The following DTNA variants were observed in gnomAD, a reference collection of about 807,000 sequenced individuals.
DTNA encodes dystrobrevin alpha.
In DTNA, 43 loss-of-function variants were observed where a neutral mutation model predicts 100.7. The ratio of observed to expected loss-of-function variants is 0.43; its 90% confidence interval spans 0.33 to 0.55. DTNA has a LOEUF of 0.55. Among genes scored for constraint, DTNA ranks in the 20% least tolerant of loss-of-function variants. The pLI is 0.04. For synonymous variants in DTNA, 349 were observed against 347.9 expected (o/e 1.00, Z -0.04); for missense variants, 798 against 953.9 (o/e 0.84, Z 2.15).
intron 1 of DTNA, among the ~76,000 whole-genome samples, chr18:34,610,863 T>C (rs12051912): frequency 0.028 from 4,224 of 152,288 alleles, 200 homozygotes; most frequent in African/African-American, 0.096. Context: ...TGTAAAGAAT[T>C]GATGAGCTCA....
intron 1 of DTNA, among the ~76,000 whole-genome samples, chr18:34,656,641 G>A (rs1024869500): frequency 1.8e-4 from 27 of 152,076 alleles, no homozygotes; most frequent in African/African-American, 6.5e-4. Context: ...TTCTTTTGTA[G>A]GTTTCTCCAA....
intron 1 of DTNA, among the ~76,000 whole-genome samples, chr18:34,664,111 A>G (rs1255098922): frequency 6.6e-6 from 1 of 152,176 alleles, no homozygotes; most frequent in Non-Finnish European, 1.5e-5. Context: ...AAGGCTATGA[A>G]AAGACTCTAC....
At chr18:34,855,154 A>T (rs1373268200) in intron 15 of DTNA, among the ~76,000 whole-genome samples, 2 of 152,246 alleles carry the variant, frequency 1.3e-5, no homozygotes, top group African/African-American at 4.8e-5. Flanking sequence ...TGAGAAAAGC[A>T]ACAAGACACT....
In DTNA at chr18:34,879,449, A is replaced by G. The variant is rs948430441; in HGVS notation, c.1994-102A>G. 3.4e-6 allele frequency: 4 copies of G among 1,193,870 alleles called. No individual in the cohort carries two copies. The Admixed American group carries it at 5.8e-5, about 17-fold the overall frequency. 74.0% of individuals were successfully genotyped at this position (1,193,870 alleles called of 1,614,324 possible). A position where few individuals can be genotyped will look rare whatever the true frequency, so the allele number is the denominator to read the frequency against. The stretch of plus-strand genomic sequence containing the variant: ...GATTAAAATATGATAACTGGTTAAC[A>G]TTTTACACAGCACAGGTTGATTTGT... On this transcript the variant is annotated intron_variant, in intron 19 of 22. Transcript: ENST00000444659.
chr18:34,853,084 T>C (rs2096503005), intron 15 of DTNA, among the ~76,000 whole-genome samples: 1 of 152,100 alleles, frequency 6.6e-6, no homozygotes, highest in African/African-American at 2.4e-5. Flanking sequence ...GAGAAAACGA[T>C]GAATAGCTGA....
chr18:34,676,577 G>A (rs150177368), intron 1 of DTNA, among the ~76,000 whole-genome samples: 1 of 152,170 alleles, frequency 6.6e-6, no homozygotes, highest in Non-Finnish European at 1.5e-5. Context: ...TTCAATGCCT[G>A]TAATCCCAGC....
At chr18:34,884,400 G>T (rs528262129) in intron 21 of DTNA, among the ~76,000 whole-genome samples, 1 of 152,186 alleles carries the variant, frequency 6.6e-6, no homozygotes, top group Admixed American at 6.5e-5. Flanking sequence ...TTTTACCATC[G>T]CTGGTAAATC....
intron 1 of DTNA, among the ~76,000 whole-genome samples, chr18:34,722,034 C>A (rs1481507565): frequency 1.3e-5 from 2 of 152,090 alleles, no homozygotes; most frequent in East Asian, 3.9e-4. Context: ...GCTCCCCTTT[C>A]CTTATACTCC....
chr18:34,851,344 C>T (rs958813074), intron 14 of DTNA, among the ~76,000 whole-genome samples: 4 of 152,106 alleles, frequency 2.6e-5, no homozygotes, highest in South Asian at 2.1e-4. Flanking sequence ...ACAAGTGATC[C>T]GCCCGCCTCA....
At position 34,879,704 on chromosome 18, in the gene DTNA, C is replaced by A. The variant is rs1184517975; in HGVS notation, c.2147C>A (p.Thr716Asn). The A allele has an allele frequency of 1.2e-6, 2 of 1,613,926 alleles. No individual in the cohort carries two copies. Among genetic ancestry groups the A allele is most frequent in the African/African-American group, 1.3e-5 (1 of 74,888 alleles). The change falls in exon 20 of 23, where the codon ACC (threonine) becomes AAC (asparagine). Residue 716 changes from threonine (T) to asparagine (N), a missense_variant. Transcript: ENST00000444659. Reference protein sequence around the residue: ...GYIHSGATTSTMRGDMVTEDA... With the variant: ...GYIHSGATTSNMRGDMVTEDA... ...ATTCACAGTGGAGCTACCACAAGTA[C>A]CATGCGTGGCGACATGTGAGTATCT... is the stretch of plus-strand genomic sequence containing the variant.
intron 1 of DTNA, among the ~76,000 whole-genome samples, chr18:34,742,772 A>G (rs2090942833): frequency 7.3e-6 from 1 of 136,974 alleles, no homozygotes; most frequent in Non-Finnish European, 1.6e-5. Flanking sequence ...GAAATAAATA[A>G]AATAATTCAT....
intron 17 of DTNA, chr18:34,868,930 C>T (rs1025987179): frequency 3.5e-5 from 9 of 258,356 alleles, no homozygotes; most frequent in African/African-American, 4.6e-5. Context: ...AATTGCAGTA[C>T]CAATATGTTC....
At chr18:34,554,431 G>A (rs896452094) in intron 1 of DTNA, among the ~76,000 whole-genome samples, 17 of 149,780 alleles carry the variant, frequency 1.1e-4, no homozygotes, top group African/African-American at 3.7e-4. Flanking sequence ...AGTGGTGAGA[G>A]AGGGCATCCC....
rs548155233 is a variant in DTNA at position 34,861,910 on chromosome 18, C to T, written c.1647-2056C>T. On this transcript the variant is annotated intron_variant, in intron 16 of 22. Coordinates refer to ENST00000444659, the MANE Select transcript of DTNA (RefSeq NM_001386795.1). ...GCACCAACCTAATAATACCAGTTAA[C>T]GTTCTCTGATAGTTTTTAAATGCTT... Among the ~76,000 whole-genome samples the T allele has an allele frequency of 2.0e-4, 31 of 152,150 alleles. No individual in the cohort carries two copies. In the South Asian group the frequency reaches 5.2e-3, roughly 25 times the overall value.
upstream of DTNA, among the ~76,000 whole-genome samples, chr18:34,708,574 T>C (rs972059921): frequency 2.0e-5 from 3 of 152,202 alleles, no homozygotes; most frequent in Admixed American, 1.3e-4. Flanking sequence ...CAGTTGCTCC[T>C]AGCTGGTTTG....
chr18:34,628,124 G>GA (rs2057583641), intron 1 of DTNA, among the ~76,000 whole-genome samples: 1 of 152,134 alleles, frequency 6.6e-6, no homozygotes. Context: ...TAATCCTTAA[G>GA]AAGACTCAAG....
intron 7 of DTNA, among the ~76,000 whole-genome samples, chr18:34,816,536 A>G (rs1480312942): frequency 6.6e-6 from 1 of 152,196 alleles, no homozygotes; most frequent in Non-Finnish European, 1.5e-5. Context: ...TTTTAAAGCA[A>G]GTATTTCTAG....
chr18:34,655,287 GTTACT>G (rs1306439436), intron 1 of DTNA, among the ~76,000 whole-genome samples: 1 of 152,038 alleles, frequency 6.6e-6, no homozygotes, highest in Non-Finnish European at 1.5e-5. Context: ...CATAATTGGT[GTTACT>G]TTAGAGTAAG....
rs545198401 is a variant in DTNA, at chr18:34,881,815, C to T, written c.2163-254C>T. Among the ~76,000 whole-genome samples the T allele has an allele frequency of 3.6e-4, 54 of 151,870 alleles. 1 individual carries two copies. The South Asian group carries it at 0.011, about 30-fold the overall frequency. ...AAGGGCCAACCCATTCCAGTAAACC[C>T]TAGGAAAAGATAAATGACCAATGAT... On this transcript the variant is annotated intron_variant, in intron 20 of 22. Transcript: ENST00000444659.
Sources: gnomAD v4.1 joint callset for allele counts (sites outside exome capture counted in the v4.1 genomes callset) on GRCh38, gnomAD v4.1.1 for gene constraint, MANE v1.5 for transcripts, NCBI Gene and HGNC (gene_info 2026-07-23, HGNC 2026-07-21) for gene names.